PCDH9: variants seen among roughly 807,000 people sequenced by gnomAD.
PCDH9 encodes protocadherin 9.
Under a neutral mutation model 70.6 loss-of-function variants are expected in PCDH9, and 24 were observed. That is an observed-to-expected ratio of 0.34 (90% confidence interval 0.25 to 0.48). The LOEUF is 0.48. Among genes scored for constraint, PCDH9 ranks in the 20% least tolerant of loss-of-function variants. PCDH9 has a pLI of 0.99. For synonymous variants in PCDH9, 562 were observed against 558.5 expected, an observed-to-expected ratio of 1.01 and a Z score of -0.09; for missense variants, 1,281 against 1,503.6, an observed-to-expected ratio of 0.85 and a Z score of 2.45.
intron 3 of PCDH9, among the ~76,000 whole-genome samples, chr13:66,707,912 C>T (rs1213469168): frequency 2.0e-5 from 3 of 152,162 alleles, no homozygotes; most frequent in Non-Finnish European, 4.4e-5. Context: ...GCTTGTTTAT[C>T]TTCACACCAA....
chr13:66,927,381 C>T (rs890493860), intron 2 of PCDH9, among the ~76,000 whole-genome samples: 6 of 151,808 alleles, frequency 4.0e-5, no homozygotes, highest in Non-Finnish European at 8.8e-5. Context: ...ACTGGGGCCT[C>T]TTCGAGGGTG....
At chr13:66,969,721 T>A (rs1555292213) in intron 2 of PCDH9, among the ~76,000 whole-genome samples, 5 of 152,176 alleles carry the variant, frequency 3.3e-5, no homozygotes, top group South Asian at 4.1e-4. Context: ...TGGGATTTTT[T>A]ATCAAAATTC....
intron 2 of PCDH9, among the ~76,000 whole-genome samples, chr13:67,129,337 G>A (rs776906911): frequency 4.6e-5 from 7 of 152,134 alleles, no homozygotes; most frequent in Non-Finnish European, 7.4e-5. Flanking sequence ...TTTAAAAAGT[G>A]TAAGCAATTA....
intron 3 of PCDH9, among the ~76,000 whole-genome samples, chr13:66,682,023 G>A (rs1373318902): frequency 2.0e-5 from 3 of 148,246 alleles, no homozygotes; most frequent in Non-Finnish European, 3.0e-5. Flanking sequence ...TCATGTTGCT[G>A]CTGTCTCTGA....
At chr13:66,607,434 T>A (rs2077235041) in intron 4 of PCDH9, among the ~76,000 whole-genome samples, 1 of 152,100 alleles carries the variant, frequency 6.6e-6, no homozygotes. Context: ...TCATTAAACA[T>A]GTTGTGGTAA....
intron 3 of PCDH9, among the ~76,000 whole-genome samples, chr13:66,764,716 T>C (rs1421442302): frequency 6.6e-6 from 1 of 152,034 alleles, no homozygotes; most frequent in African/African-American, 2.4e-5. Flanking sequence ...AAGTAATTTT[T>C]GACCAAGCAA....
chr13:66,775,819 C>T (rs1303480191), intron 3 of PCDH9, among the ~76,000 whole-genome samples: 1 of 152,098 alleles, frequency 6.6e-6, no homozygotes, highest in Non-Finnish European at 1.5e-5. Flanking sequence ...CAACTGTGTG[C>T]AATGTTGACA....
chr13:67,225,143 T>G, intron 2 of PCDH9: 1 of 1,351,538 alleles, frequency 7.4e-7, no homozygotes, highest in Non-Finnish European at 9.5e-7. Flanking sequence ...TCTTGGGACA[T>G]TTTGGAATAA....
intron 3 of PCDH9, among the ~76,000 whole-genome samples, chr13:66,808,584 T>C (rs1436881614): frequency 6.6e-6 from 1 of 152,198 alleles, no homozygotes; most frequent in Non-Finnish European, 1.5e-5. Context: ...TCTTCATAGT[T>C]GCCTGGTAAG....
intron 3 of PCDH9, among the ~76,000 whole-genome samples, chr13:66,721,127 A>G (rs566139270): frequency 6.6e-6 from 1 of 152,348 alleles, no homozygotes; most frequent in African/African-American, 2.4e-5. Context: ...AGTGCTTTTA[A>G]TGAAGTATGT....
At chr13:66,867,659 T>C (rs2081600506) in intron 3 of PCDH9, among the ~76,000 whole-genome samples, 1 of 152,116 alleles carries the variant, frequency 6.6e-6, no homozygotes, top group African/African-American at 2.4e-5. Flanking sequence ...GGGATGTATA[T>C]TAACCTATCA....
intron 3 of PCDH9, among the ~76,000 whole-genome samples, chr13:66,849,737 C>T (rs1016402042): frequency 2.0e-5 from 3 of 152,006 alleles, no homozygotes; most frequent in African/African-American, 7.2e-5. Context: ...AGACTCAGTG[C>T]CAATGAGAAA....
At chr13:67,118,969 T>G (rs2086829379) in intron 2 of PCDH9, among the ~76,000 whole-genome samples, 1 of 152,178 alleles carries the variant, frequency 6.6e-6, no homozygotes, top group Non-Finnish European at 1.5e-5. Context: ...AATTTAGTTG[T>G]GCTTGGGATT....
At chr13:66,898,804 G>A (rs1480523847) in intron 3 of PCDH9, among the ~76,000 whole-genome samples, 1 of 151,854 alleles carries the variant, frequency 6.6e-6, no homozygotes, top group Non-Finnish European at 1.5e-5. Context: ...TTTTGCTCCT[G>A]CTCCATTTGG....
At chr13:66,978,780 A>C (rs916881028) in intron 2 of PCDH9, among the ~76,000 whole-genome samples, 10 of 146,316 alleles carry the variant, frequency 6.8e-5, no homozygotes, top group African/African-American at 2.0e-4. Flanking sequence ...TTTTGGCCTT[A>C]ACTTCATATA....
intron 2 of PCDH9, among the ~76,000 whole-genome samples, chr13:67,025,032 C>G (rs2084752235): frequency 6.6e-6 from 1 of 151,894 alleles, no homozygotes; most frequent in African/African-American, 2.4e-5. Flanking sequence ...TTCTAAGAAC[C>G]AATTAGTCAC....
intron 4 of PCDH9, among the ~76,000 whole-genome samples, chr13:66,530,458 T>G (rs1477325778): frequency 6.6e-6 from 1 of 152,070 alleles, no homozygotes; most frequent in East Asian, 1.9e-4. Flanking sequence ...GATTCTTATC[T>G]CTGTGTCCTC....
intron 3 of PCDH9, among the ~76,000 whole-genome samples, chr13:66,669,997 G>T (rs963015309): frequency 1.3e-5 from 2 of 151,966 alleles, no homozygotes; most frequent in African/African-American, 4.8e-5. Context: ...TCCACCAAAA[G>T]GTACCTCTAA....
intron 4 of PCDH9, among the ~76,000 whole-genome samples, chr13:66,386,426 G>T (rs945983020): frequency 3.9e-5 from 6 of 152,078 alleles, no homozygotes; most frequent in African/African-American, 1.4e-4. Flanking sequence ...TTTTGGATGG[G>T]GGTTGAACTG....
Sources: gnomAD v4.1 joint callset for allele counts (sites outside exome capture counted in the v4.1 genomes callset) on GRCh38, gnomAD v4.1.1 for gene constraint, MANE v1.5 for transcripts, NCBI Gene and HGNC (gene_info 2026-07-23, HGNC 2026-07-21) for gene names.